DDX10: variants seen among roughly 807,000 people sequenced by gnomAD.
DDX10 encodes the protein probable ATP-dependent RNA helicase DDX10.
In DDX10, 74 loss-of-function variants were observed where a neutral mutation model predicts 104.3. The ratio of observed to expected loss-of-function variants is 0.71; its 90% CI spans 0.59 to 0.86. The LOEUF is 0.86. Ranked by LOEUF, DDX10 falls within the 40% of genes least tolerant of loss-of-function variation. DDX10 has a pLI of 0.00. For missense variants in DDX10, 952 were observed against 1,040.0 expected, an observed-to-expected ratio of 0.92 and a Z score of 1.16; for synonymous variants, 351 against 353.4, an observed-to-expected ratio of 0.99 and a Z score of 0.08.
intron 13 of DDX10, among the ~76,000 whole-genome samples, chr11:108,804,459 A>G (rs1862068756): frequency 7.2e-6 from 1 of 139,516 alleles, no homozygotes; most frequent in South Asian, 2.4e-4. Context: ...CGATTGCACA[A>G]CTGCATTCCA....
At chr11:108,897,633 G>A (rs537389710) in intron 16 of DDX10, among the ~76,000 whole-genome samples, 2 of 152,090 alleles carry the variant, frequency 1.3e-5, no homozygotes, top group South Asian at 4.2e-4. Flanking sequence ...GGGACCCGAG[G>A]CAGGTAGTTT....
At chr11:108,760,490 G>A (rs1410149377) in intron 13 of DDX10, among the ~76,000 whole-genome samples, 1 of 151,956 alleles carries the variant, frequency 6.6e-6, no homozygotes. Flanking sequence ...TAGTTTATAT[G>A]GGAACATTCT....
At chr11:108,937,553 A>G (rs1864052230) in intron 17 of DDX10, among the ~76,000 whole-genome samples, 1 of 152,166 alleles carries the variant, frequency 6.6e-6, no homozygotes, top group South Asian at 2.1e-4. Flanking sequence ...TTTGGCTCAG[A>G]TGGTTACTTT....
At chr11:108,743,446 A>G (rs1431455147) in intron 13 of DDX10, among the ~76,000 whole-genome samples, 2 of 152,200 alleles carry the variant, frequency 1.3e-5, no homozygotes, top group Non-Finnish European at 2.9e-5. Flanking sequence ...AGCTGGACAC[A>G]TTCCCCTTAA....
intron 13 of DDX10, among the ~76,000 whole-genome samples, chr11:108,830,272 C>T (rs1862450570): frequency 6.6e-6 from 1 of 152,178 alleles, no homozygotes; most frequent in South Asian, 2.1e-4. Flanking sequence ...TGGTTTTTCA[C>T]ATCCTTGTTT....
At chr11:108,686,835 A>C (rs2094244856) in intron 6 of DDX10, among the ~76,000 whole-genome samples, 1 of 152,088 alleles carries the variant, frequency 6.6e-6, no homozygotes, top group Non-Finnish European at 1.5e-5. Context: ...CCCAGGCTGG[A>C]GTGCAGTGGC....
intron 16 of DDX10, among the ~76,000 whole-genome samples, chr11:108,911,186 G>A (rs1863672877): frequency 6.6e-6 from 1 of 152,180 alleles, no homozygotes; most frequent in South Asian, 2.1e-4. Flanking sequence ...ACTGCAGCAT[G>A]TCCAGAACCT....
Position 108,895,532 on chromosome 11 carries a change from A to G in DDX10, c.2305-22341A>G, listed in dbSNP as rs192014202. Among the ~76,000 whole-genome samples, 137 of 152,206 alleles carry G rather than the reference A, an allele frequency of 9.0e-4. 1 individual carries two copies. The highest frequency in any genetic ancestry group is 3.2e-3 in the African/African-American group (134 of 41,566). Reference sequence around the variant, plus strand: ...TTATATTTCTATATTTCAGTAATACATATCAATATTGATTTTAACGTCTTA... The same window carrying G: ...TTATATTTCTATATTTCAGTAATACGTATCAATATTGATTTTAACGTCTTA... On this transcript the variant is annotated intron_variant, in intron 16 of 17. Transcript: ENST00000322536.
At chr11:108,667,609 G>T (rs2094211683) in intron 1 of DDX10, among the ~76,000 whole-genome samples, 1 of 152,222 alleles carries the variant, frequency 6.6e-6, no homozygotes, top group Non-Finnish European at 1.5e-5. Flanking sequence ...AGGCCCAAAT[G>T]AGATAATGTG....
intron 13 of DDX10, among the ~76,000 whole-genome samples, chr11:108,758,789 G>A (rs1370807394): frequency 6.6e-6 from 1 of 152,004 alleles, no homozygotes; most frequent in Non-Finnish European, 1.5e-5. Flanking sequence ...GGATGATCCA[G>A]GACAGTCTCC....
intron 17 of DDX10, among the ~76,000 whole-genome samples, chr11:108,924,407 C>A (rs1308972120): frequency 6.6e-6 from 1 of 152,192 alleles, no homozygotes; most frequent in Non-Finnish European, 1.5e-5. Flanking sequence ...CTGATAACTT[C>A]TTTATGGATT....
At chr11:108,760,648 G>A (rs2094349658) in intron 13 of DDX10, among the ~76,000 whole-genome samples, 1 of 143,662 alleles carries the variant, frequency 7.0e-6, no homozygotes, top group Non-Finnish European at 1.5e-5. Flanking sequence ...GATTTAATGT[G>A]TTTTTATTCA....
At chr11:108,810,238 T>C (rs1862160400) in intron 13 of DDX10, among the ~76,000 whole-genome samples, 1 of 152,188 alleles carries the variant, frequency 6.6e-6, no homozygotes, top group Non-Finnish European at 1.5e-5. Flanking sequence ...AAACATCTGT[T>C]GTATTTGTAA....
chr11:108,773,369 C>G (rs1186760408), intron 13 of DDX10, among the ~76,000 whole-genome samples: 2 of 152,220 alleles, frequency 1.3e-5, no homozygotes, highest in East Asian at 3.9e-4. Flanking sequence ...GGTAGCTGCA[C>G]TTACTGTTGA....
Position 108,860,398 on chromosome 11 carries a change from C to G in DDX10, c.2304+8189C>G, listed in dbSNP as rs1862925520. 7.9e-5 allele frequency among the ~76,000 whole-genome samples: 12 copies of G among 152,142 alleles called. No individual in the cohort carries two copies. The South Asian group carries it at 2.5e-3, about 32-fold the overall frequency. On this transcript the variant is annotated intron_variant, in intron 16 of 17. Coordinates refer to ENST00000322536, the MANE Select transcript of DDX10 (RefSeq NM_004398.4). ...AAATAGTTTGATGTTAAACGTCTTC[C>G]TATACTGAAAAAGATTGAGAACACT...
chr11:108,896,354 A>ATTT (rs11447538), intron 16 of DDX10, among the ~76,000 whole-genome samples: 1 of 148,524 alleles, frequency 6.7e-6, no homozygotes. Context: ...TCCTTCACAT[A>ATTT]TTTTTTTTTT....
intron 4 of DDX10, among the ~76,000 whole-genome samples, 177 bp downstream of exon 4, chr11:108,677,420 A>C (rs974082604): frequency 4.6e-5 from 7 of 152,032 alleles, no homozygotes; most frequent in African/African-American, 1.7e-4. Context: ...CCAATTTTGC[A>C]GGCCCAGAAA....
At chr11:108,851,692 G>A (rs1318911218) in intron 15 of DDX10, among the ~76,000 whole-genome samples, 1 of 149,264 alleles carries the variant, frequency 6.7e-6, no homozygotes, top group African/African-American at 2.6e-5. Context: ...CACTAGATTT[G>A]GCACATGAAG....
intron 13 of DDX10, among the ~76,000 whole-genome samples, chr11:108,818,515 T>C (rs967173762): frequency 6.6e-6 from 1 of 152,232 alleles, no homozygotes; most frequent in Non-Finnish European, 1.5e-5. Context: ...TTGCATTTAA[T>C]AGAAAATTTT....
Sources: gnomAD v4.1 joint callset for allele counts (sites outside exome capture counted in the v4.1 genomes callset) on GRCh38, gnomAD v4.1.1 for gene constraint, MANE v1.5 for transcripts, NCBI Gene and HGNC (gene_info 2026-07-23, HGNC 2026-07-21) for gene names.